PAX5: variants seen among roughly 807,000 people sequenced by gnomAD.
PAX5 encodes the protein paired box 5.
In PAX5, 9 loss-of-function variants were observed where a neutral mutation model predicts 43.7. The observed-to-expected ratio is 0.21, with a 90% confidence interval of 0.12 to 0.36. The LOEUF is 0.36. PAX5 is among the 10% of genes least tolerant of loss of function. The pLI is 1.00. For synonymous variants in PAX5, 228 were observed against 214.3 expected, an observed-to-expected ratio of 1.06 and a Z score of -0.56; for missense variants, 383 against 532.7, an observed-to-expected ratio of 0.72 and a Z score of 2.77.
At chr9:36,897,039 G>A (rs1827930326) in intron 7 of PAX5, among the ~76,000 whole-genome samples, 1 of 152,202 alleles carries the variant, frequency 6.6e-6, no homozygotes, top group African/African-American at 2.4e-5. Context: ...TCAGTGTGTA[G>A]GGTTCCTTCA....
intron 7 of PAX5, among the ~76,000 whole-genome samples, chr9:36,900,389 G>A (rs910391588): frequency 6.6e-6 from 1 of 152,204 alleles, no homozygotes; most frequent in Admixed American, 6.5e-5. Context: ...CAGCATGGCC[G>A]CTTCACAGAG....
intron 8 of PAX5, among the ~76,000 whole-genome samples, chr9:36,869,509 C>T (rs1350765713): frequency 1.3e-5 from 2 of 152,254 alleles, no homozygotes; most frequent in Non-Finnish European, 2.9e-5. Context: ...CTTAGCAAAA[C>T]TCTCTGCAAA....
At chr9:37,014,125 C>T (rs145551910) in intron 3 of PAX5, among the ~76,000 whole-genome samples, 8 of 152,300 alleles carry the variant, frequency 5.3e-5, no homozygotes, top group Non-Finnish European at 1.2e-4. Context: ...GAACTTCATC[C>T]CTGACTCTTT....
rs143947338 is a variant in PAX5 at position 36,899,525 on chromosome 9, C to A, written c.911-17420G>T. Reference sequence around the variant, plus strand: ...TGCGCTCAGTGCTAGGGATTTTGTGCCCATAAGGACAGGAGGCTTTTTTTT... The same window carrying A: ...TGCGCTCAGTGCTAGGGATTTTGTGACCATAAGGACAGGAGGCTTTTTTTT... On this transcript the variant is annotated intron_variant, in intron 7 of 9. Coordinates refer to ENST00000358127, the MANE Select transcript of PAX5 (RefSeq NM_016734.3). Among the ~76,000 whole-genome samples the A allele has an allele frequency of 2.8e-4, 43 of 152,308 alleles. No individual in the cohort carries two copies. The East Asian group carries it at 7.3e-3, about 26-fold the overall frequency.
At chr9:36,911,256 G>A (rs907882526) in intron 7 of PAX5, among the ~76,000 whole-genome samples, 2 of 152,202 alleles carry the variant, frequency 1.3e-5, no homozygotes, top group Admixed American at 6.5e-5. Flanking sequence ...TGGTACTCCC[G>A]GCCTGGCACA....
intron 8 of PAX5, among the ~76,000 whole-genome samples, chr9:36,866,484 A>G (rs1451280208): frequency 6.6e-6 from 1 of 152,160 alleles, no homozygotes; most frequent in Non-Finnish European, 1.5e-5. Flanking sequence ...ATGTTTTTGT[A>G]GCTGGCCAGG....
At chr9:36,919,062 C>T (rs1327172970) in intron 7 of PAX5, among the ~76,000 whole-genome samples, 1 of 152,166 alleles carries the variant, frequency 6.6e-6, no homozygotes, top group Non-Finnish European at 1.5e-5. Flanking sequence ...TTGTTAGGGG[C>T]TAATATAGCT....
At chr9:36,847,520 G>A (rs1822711462) in intron 8 of PAX5, among the ~76,000 whole-genome samples, 1 of 152,330 alleles carries the variant, frequency 6.6e-6, no homozygotes, top group South Asian at 2.1e-4. Context: ...CAGGCCCTCT[G>A]CCTGGAGGAG....
chr9:36,932,934 G>A (rs1831244211), intron 6 of PAX5, among the ~76,000 whole-genome samples: 1 of 151,818 alleles, frequency 6.6e-6, no homozygotes, highest in Admixed American at 6.6e-5. Flanking sequence ...GGCAGGTGGA[G>A]TACCTGAGGT....
At chr9:36,869,915 GATGGATGGATGGATGGATGGATAA>G (rs1563914713) in intron 8 of PAX5, among the ~76,000 whole-genome samples, 26 of 136,176 alleles carry the variant, frequency 1.9e-4, no homozygotes, top group East Asian at 4.3e-4. Flanking sequence ...TGGATGGATG[GATGGATGGATGGATGGATGGATAA>G]ATGGATGGAT....
At chr9:36,986,135 G>C (rs575657271) in intron 5 of PAX5, among the ~76,000 whole-genome samples, 1 of 151,816 alleles carries the variant, frequency 6.6e-6, no homozygotes, top group Non-Finnish European at 1.5e-5. Context: ...CCCAGCTCCC[G>C]GCTGCCGCCG....
intron 7 of PAX5, among the ~76,000 whole-genome samples, chr9:36,894,445 T>C (rs146025404): frequency 6.6e-6 from 1 of 152,226 alleles, no homozygotes; most frequent in African/African-American, 2.4e-5. Flanking sequence ...GCCTTCTGGA[T>C]TTGGGGATGT....
At chr9:36,874,097 A>G (rs538043331) in intron 8 of PAX5, among the ~76,000 whole-genome samples, 1 of 152,094 alleles carries the variant, frequency 6.6e-6, no homozygotes. Flanking sequence ...CCACAAAAGA[A>G]ACCTTCTCCT....
rs1002076374 is a variant in PAX5, at chr9:37,028,016, C to T, written c.46+5970G>A. On this transcript the variant is annotated intron_variant, in intron 1 of 9. Coordinates refer to ENST00000358127, the MANE Select transcript of PAX5 (RefSeq NM_016734.3). ...GGAGAGTCCCGCTGCGGGTCCCACG[C>T]GGGCTGGACCTCCCCACAGCGATGC... Among the ~76,000 whole-genome samples the T allele has an allele frequency of 2.6e-5, 4 of 152,226 alleles. No homozygotes were observed. The South Asian group carries it at 8.3e-4, about 31-fold the overall frequency.
At chr9:36,982,350 C>T (rs774171292) in intron 5 of PAX5, among the ~76,000 whole-genome samples, 6 of 151,934 alleles carry the variant, frequency 3.9e-5, no homozygotes, top group Non-Finnish European at 7.4e-5. Context: ...AAGGTGAATC[C>T]CTTGGTTCCA....
At chr9:36,863,248 TC>T (rs1350460964) in intron 8 of PAX5, among the ~76,000 whole-genome samples, 1 of 152,234 alleles carries the variant, frequency 6.6e-6, no homozygotes. Context: ...GTTCTTTTTT[TC>T]AATCTGTATT....
intron 7 of PAX5, among the ~76,000 whole-genome samples, chr9:36,901,760 G>C (rs1028585239): frequency 6.6e-6 from 1 of 152,176 alleles, no homozygotes; most frequent in Non-Finnish European, 1.5e-5. Context: ...GCATAACCCT[G>C]GCCAAGGAAC....
In PAX5 at chr9:36,918,039, T is replaced by A. The variant is rs549840936; in HGVS notation, c.910+5316A>T. Among the ~76,000 whole-genome samples the A allele has an allele frequency of 3.9e-5, 6 of 152,286 alleles. 1 individual carries two copies. In the South Asian group the frequency reaches 1.2e-3, roughly 32 times the overall value. ...ATCACTGATTGGCTGTTCCCTCATCTCTCTTCTTCTCCTAGGGCCTCCCTA... is the reference window on the plus strand; with the variant it reads ...ATCACTGATTGGCTGTTCCCTCATCACTCTTCTTCTCCTAGGGCCTCCCTA... On this transcript the variant is annotated intron_variant, in intron 7 of 9. Transcript: ENST00000358127.
Position 37,002,730 on chromosome 9 carries a change from C to G in PAX5, c.522G>C (p.Ser174=), listed in dbSNP as rs772165620. ...CGCTGATGGAGTACGACGAGCCGGCCGAATCCGTGCTCACCGAGGACACCT... is the reference window on the plus strand; with the variant it reads ...CGCTGATGGAGTACGACGAGCCGGCGGAATCCGTGCTCACCGAGGACACCT... ...VTQVSSVSTD[S]AGSSYSISGI... is the part of the protein sequence containing the mutation. Residue 174 remains serine (S), a synonymous_variant, in exon 5 of 10, where the codon TCG becomes TCC. Transcript: ENST00000358127. 6.2e-7 allele frequency: 1 copy of G among 1,610,520 alleles called. No homozygotes were observed. The highest frequency in any genetic ancestry group is 1.7e-5 in the Admixed American group (1 of 59,606).
Sources: allele counts gnomAD v4.1 joint callset (sites outside exome capture counted in the v4.1 genomes callset), GRCh38; gene constraint gnomAD v4.1.1; transcripts MANE v1.5; gene names NCBI Gene and HGNC (gene_info 2026-07-23, HGNC 2026-07-21).